Variants in EIF2S3 observed in about 807,000 individuals in gnomAD.
EIF2S3 encodes eukaryotic translation initiation factor 2 subunit gamma, also known as eukaryotic translation initiation factor 2 subunit 3.
EIF2S3 carries 2 observed loss-of-function variants against 31.7 expected under a neutral mutation model. The observed-to-expected ratio is 0.06, with a 90% CI of 0.03 to 0.20. The LOEUF (loss-of-function observed/expected upper bound fraction) is 0.20, where lower values mean the gene tolerates loss of function less well. EIF2S3 is among the 10% of genes least tolerant of loss of function. The pLI, the probability that EIF2S3 is intolerant of heterozygous loss-of-function variation, is 1.00. For synonymous variants in EIF2S3, 120 were observed against 126.7 expected (o/e 0.95, Z 0.36); for missense variants, 96 against 359.3 (o/e 0.27, Z 5.92).
chrX:24,060,060 A>G lies in EIF2S3; in HGVS notation c.384-28A>G, dbSNP rs1201800057. The G allele has an allele frequency of 2.7e-6, 3 of 1,106,313 alleles. No homozygotes were observed. In the Admixed American group the frequency reaches 6.6e-5, roughly 24 times the overall value. The allele number at this position is 1,106,313 out of a possible 1,213,427, so 91.2% of individuals were successfully genotyped here. A position where few individuals can be genotyped will look rare whatever the true frequency, so the allele number is the denominator to read the frequency against. The stretch of plus-strand genomic sequence containing the variant: ...CATGTGTAAGTAGTGATTTATGTTA[A>G]GGCTGATTGTTATTTCTCAATCATT... On this transcript the variant is annotated intron_variant, in intron 4 of 11. Transcript: ENST00000253039.
intron 6 of EIF2S3, among the ~76,000 whole-genome samples, chrX:24,063,942 G>T (rs767398591): frequency 4.7e-4 from 52 of 111,540 alleles, no homozygotes; most frequent in East Asian, 3.9e-3. Flanking sequence ...GTTTATCATT[G>T]TACTAATATT....
At chrX:24,072,353 C>T (rs373199343) in intron 10 of EIF2S3, among the ~76,000 whole-genome samples, 6 of 111,341 alleles carry the variant, frequency 5.4e-5, no homozygotes, top group African/African-American at 9.8e-5. Context: ...GGTGCGATCT[C>T]GACTCACAGC....
intron 5 of EIF2S3, among the ~76,000 whole-genome samples, chrX:24,061,725 A>T (rs984986141): frequency 1.8e-5 from 2 of 111,276 alleles, no homozygotes; most frequent in Non-Finnish European, 3.8e-5. Flanking sequence ...TCCCTCCCTC[A>T]GTTGAAGAGT....
intron 7 of EIF2S3, among the ~76,000 whole-genome samples, chrX:24,064,826 T>C (rs1282532403): frequency 9.0e-6 from 1 of 111,392 alleles, no homozygotes; most frequent in Non-Finnish European, 1.9e-5. Flanking sequence ...TGAAACTGCG[T>C]CTCAAAAAAA....
chrX:24,066,134 T>G lies in EIF2S3; in HGVS notation c.867+42T>G, dbSNP rs773046115. On this transcript the variant is annotated intron_variant, in intron 8 of 11. Coordinates refer to ENST00000253039, the MANE Select transcript of EIF2S3 (RefSeq NM_001415.4). ...TTGTTGTGATTTTGGGTTTTTTTTT[T>G]TTGTTGTTTGTTTGTTTGTTTTATC... 383 of 962,603 alleles carry G rather than the reference T, an allele frequency of 4.0e-4. 1 individual carries two copies. The highest frequency in any genetic ancestry group is 5.0e-4 in the East Asian group (16 of 32,139). 79.3% of individuals were successfully genotyped at this position (962,603 alleles called of 1,213,427 possible). A position where few individuals can be genotyped will look rare whatever the true frequency, so the allele number is the denominator to read the frequency against.
chrX:24,065,160 T>C (rs747541511), intron 7 of EIF2S3, among the ~76,000 whole-genome samples: 7 of 111,799 alleles, frequency 6.3e-5, no homozygotes, highest in Non-Finnish European at 1.3e-4. Context: ...TTTATAGTTA[T>C]AAAGCTGAAT....
At chrX:24,067,493 CTT>C (rs11375396) in intron 8 of EIF2S3, among the ~76,000 whole-genome samples, 2 of 82,709 alleles carry the variant, frequency 2.4e-5, no homozygotes, top group African/African-American at 4.5e-5. Flanking sequence ...TCGTTCACAT[CTT>C]TTTTTTTTTT....
intron 2 of EIF2S3, 84 bp downstream of exon 2, chrX:24,055,762 A>C (rs1426090297): frequency 3.2e-6 from 3 of 926,716 alleles, no homozygotes; most frequent in Non-Finnish European, 4.7e-6. Flanking sequence ...GAATAGTATG[A>C]GGATTCAGAT....
rs1454214982 is a variant in EIF2S3, at chrX:24,064,876, G to C, written c.772+541G>C. ...CTAACCTTTCTGTGCTTAATATATG[G>C]TACATGATCAAGATGGAGTAATACA... On this transcript the variant is annotated intron_variant, in intron 7 of 11. Transcript: ENST00000253039. Among the ~76,000 whole-genome samples the C allele has an allele frequency of 2.7e-5, 3 of 111,956 alleles. No homozygotes were observed. The East Asian group carries it at 8.3e-4, about 31-fold the overall frequency.
intron 9 of EIF2S3, among the ~76,000 whole-genome samples, chrX:24,070,439 G>GTTTGTTT (rs1930649465): frequency 1.6e-4 from 8 of 50,976 alleles, no homozygotes; most frequent in African/African-American, 6.0e-4. Context: ...ATCATATGTA[G>GTTTGTTT]TTTTTTTTTT....
intron 2 of EIF2S3, 98 bp downstream of exon 2, chrX:24,055,776 C>T: frequency 1.2e-6 from 1 of 845,429 alleles, no homozygotes; most frequent in South Asian, 2.2e-5. Context: ...TTCAGATATT[C>T]AAGAAATAGA....
chrX:24,071,695 G>A lies in EIF2S3; in HGVS notation c.1150G>A (p.Val384Ile), dbSNP rs1438592329. The A allele has an allele frequency of 8.3e-7, 1 of 1,210,418 alleles. No homozygotes were observed. The highest frequency in any genetic ancestry group is 1.1e-6 in the Non-Finnish European group (1 of 895,219). ...SYFLLRRLLGVRTEGDKKAAK... is the reference protein window; with the variant it reads ...SYFLLRRLLGIRTEGDKKAAK... ...TTTCCTGCTTAGACGGCTTCTAGGT[G>A]TACGCACTGAAGGAGACAAGAAAGC... Residue 384 changes from valine to isoleucine, a missense_variant, in exon 10 of 12, where the codon GTA (valine) becomes ATA (isoleucine). Transcript: ENST00000253039.
At chrX:24,069,003 A>C (rs1238617159) in intron 9 of EIF2S3, among the ~76,000 whole-genome samples, 1 of 111,935 alleles carries the variant, frequency 8.9e-6, no homozygotes, top group Non-Finnish European at 1.9e-5. Flanking sequence ...TTGGTAAAGA[A>C]ACAGTTAATT....
intron 6 of EIF2S3, 93 bp downstream of exon 6, chrX:24,062,667 C>G (rs756213493): frequency 1.1e-5 from 11 of 999,483 alleles, no homozygotes; most frequent in Non-Finnish European, 1.5e-5. Flanking sequence ...AATATATTAT[C>G]TAAAACAAGG....
chrX:24,066,490 C>CATAT (rs59063279), intron 8 of EIF2S3, among the ~76,000 whole-genome samples: 1 of 106,676 alleles, frequency 9.4e-6, no homozygotes, highest in African/African-American at 3.4e-5. Context: ...TACTTCATTG[C>CATAT]ATATATATAT....
intron 8 of EIF2S3, 45 bp downstream of exon 8, chrX:24,066,137 GTTGT>G (rs758110265): frequency 4.2e-5 from 23 of 553,133 alleles, no homozygotes; most frequent in South Asian, 3.6e-4. Context: ...TTTTTTTTTT[GTTGT>G]TTGTTTGTTT....
intron 4 of EIF2S3, among the ~76,000 whole-genome samples, chrX:24,058,431 C>G (rs1236533524): frequency 9.0e-6 from 1 of 111,041 alleles, no homozygotes; most frequent in Admixed American, 9.6e-5. Context: ...AATTTTTTTC[C>G]CCTTTTGCTT....
At chrX:24,068,147 T>A in intron 9 of EIF2S3, 39 bp downstream of exon 9, 1 of 1,140,140 alleles carries the variant, frequency 8.8e-7, no homozygotes, top group Middle Eastern at 2.4e-4. Context: ...TTTGTGGCTA[T>A]TTGTGGTACT....
chrX:24,067,927 AAC>A (rs751252410), intron 8 of EIF2S3, 35 bp from the exon 9 acceptor site: 39 of 1,141,201 alleles, frequency 3.4e-5, no homozygotes, highest in Non-Finnish European at 4.2e-5. Flanking sequence ...AATTTTGCGT[AAC>A]ACAGTAATTC....
Sources: gnomAD v4.1 joint callset for allele counts (sites outside exome capture counted in the v4.1 genomes callset) on GRCh38, gnomAD v4.1.1 for gene constraint, MANE v1.5 for transcripts, NCBI Gene and HGNC (gene_info 2026-07-23, HGNC 2026-07-21) for gene names.